Variants in PRKCA observed in about 807,000 individuals in gnomAD.
PRKCA encodes protein kinase C alpha type.
In PRKCA, 27 loss-of-function variants were observed where a neutral mutation model predicts 87.0. The observed-to-expected ratio is 0.31, with a 90% CI of 0.23 to 0.43. The LOEUF (loss-of-function observed/expected upper bound fraction) is 0.43, where lower values mean the gene tolerates loss of function less well. PRKCA is among the 20% of genes least tolerant of loss of function. PRKCA has a pLI of 1.00. For missense variants in PRKCA, 518 were observed against 852.3 expected (o/e 0.61, Z 4.88); for synonymous variants, 329 against 311.1 (o/e 1.06, Z -0.61).
intron 3 of PRKCA, among the ~76,000 whole-genome samples, chr17:66,606,303 G>T (rs566229239): frequency 6.6e-6 from 1 of 152,254 alleles, no homozygotes; most frequent in South Asian, 2.1e-4. Context: ...CAGGAGAATC[G>T]CTTGAACCCG....
At chr17:66,764,644 T>G (rs1268402150) in intron 13 of PRKCA, among the ~76,000 whole-genome samples, 1 of 152,262 alleles carries the variant, frequency 6.6e-6, no homozygotes, top group Non-Finnish European at 1.5e-5. Flanking sequence ...AGTGGCCTTG[T>G]TGGGGGTCTG....
At position 66,306,174 on chromosome 17, in the gene PRKCA, G is replaced by A. The variant is rs750403968; in HGVS notation, c.205+47G>A. On this transcript the variant is annotated intron_variant, in intron 2 of 16. Transcript: ENST00000413366. ...TATTTTCAAGCACAACATGAAATAA[G>A]CATTCCAAACAAGAACATTATTTCC... 7.2e-6 allele frequency: 11 copies of A among 1,536,148 alleles called. No homozygotes were observed. The African/African-American group carries it at 1.1e-4, about 15-fold the overall frequency.
chr17:66,784,175 A>G (rs750846060), intron 14 of PRKCA, among the ~76,000 whole-genome samples: 14 of 152,098 alleles, frequency 9.2e-5, no homozygotes, highest in Non-Finnish European at 1.8e-4. Flanking sequence ...TACATTGCAG[A>G]GAGGGTCACA....
chr17:66,344,151 A>G (rs1324555357), intron 2 of PRKCA, among the ~76,000 whole-genome samples: 1 of 152,210 alleles, frequency 6.6e-6, no homozygotes, highest in Non-Finnish European at 1.5e-5. Context: ...GCAGAAGAAC[A>G]GTATCGATGA....
intron 2 of PRKCA, among the ~76,000 whole-genome samples, chr17:66,345,445 C>A (rs1207465057): frequency 6.6e-6 from 1 of 152,124 alleles, no homozygotes; most frequent in Admixed American, 6.5e-5. Flanking sequence ...CCATCACTTG[C>A]CTAATTAGTT....
intron 2 of PRKCA, among the ~76,000 whole-genome samples, chr17:66,425,815 G>T (rs1912772197): frequency 6.6e-6 from 1 of 152,184 alleles, no homozygotes; most frequent in South Asian, 2.1e-4. Context: ...GCATTAAATT[G>T]TGGAAGCAGG....
intron 14 of PRKCA, chr17:66,774,863 A>G: frequency 1.0e-6 from 1 of 985,416 alleles, no homozygotes; most frequent in Non-Finnish European, 1.2e-6. Flanking sequence ...TTTTCACTGA[A>G]GTCCAGTGAG....
At chr17:66,662,447 G>C (rs1009906387) in intron 5 of PRKCA, among the ~76,000 whole-genome samples, 1 of 152,130 alleles carries the variant, frequency 6.6e-6, no homozygotes, top group African/African-American at 2.4e-5. Context: ...TGAGACATCC[G>C]TGGTTTGGGG....
chr17:66,426,116 C>G (rs1025590319), intron 2 of PRKCA, among the ~76,000 whole-genome samples: 1 of 152,092 alleles, frequency 6.6e-6, no homozygotes, highest in Non-Finnish European at 1.5e-5. Context: ...TCATTATTTG[C>G]AGGAACATAG....
chr17:66,384,486 A>G (rs987673092), intron 2 of PRKCA, among the ~76,000 whole-genome samples: 1 of 152,242 alleles, frequency 6.6e-6, no homozygotes, highest in African/African-American at 2.4e-5. Flanking sequence ...CATTTTTAGA[A>G]TAAAACGTTT....
chr17:66,610,543 A>C (rs1213017747), intron 3 of PRKCA, among the ~76,000 whole-genome samples: 1 of 152,178 alleles, frequency 6.6e-6, no homozygotes, highest in South Asian at 2.1e-4. Context: ...AGACACTCCC[A>C]TCACCCAGGA....
chr17:66,701,367 GA>G (rs1305377921), intron 8 of PRKCA, among the ~76,000 whole-genome samples: 2 of 152,050 alleles, frequency 1.3e-5, no homozygotes, highest in African/African-American at 4.8e-5. Context: ...TACTTGGGGG[GA>G]AAGCTTCATG....
intron 2 of PRKCA, among the ~76,000 whole-genome samples, chr17:66,443,487 G>A (rs1169834860): frequency 3.3e-5 from 5 of 152,138 alleles, no homozygotes; most frequent in African/African-American, 4.8e-5. Context: ...GAGAGTTTAT[G>A]GAAGAATGAA....
At chr17:66,542,367 C>T (rs554233321) in intron 3 of PRKCA, among the ~76,000 whole-genome samples, 61 of 151,978 alleles carry the variant, frequency 4.0e-4, no homozygotes, top group Non-Finnish European at 8.4e-4. Flanking sequence ...GGGAGATAGG[C>T]AGTTAGTAAG....
At position 66,502,023 on chromosome 17, in the gene PRKCA, T is replaced by C. The variant is rs539562656; in HGVS notation, c.288+5740T>C. On this transcript the variant is annotated intron_variant, in intron 3 of 16. Coordinates refer to ENST00000413366, the MANE Select transcript of PRKCA (RefSeq NM_002737.3). Reference sequence around the variant, plus strand: ...TTTCCAGACTTCTTCCTCTCACTTCTTAAAACCTTAGCTCACCAGTGTCTT... The same window carrying C: ...TTTCCAGACTTCTTCCTCTCACTTCCTAAAACCTTAGCTCACCAGTGTCTT... 2.6e-5 allele frequency among the ~76,000 whole-genome samples: 4 copies of C among 152,318 alleles called. No homozygotes were observed. The South Asian group carries it at 8.3e-4, about 32-fold the overall frequency.
intron 3 of PRKCA, chr17:66,554,629 C>A: frequency 1.3e-6 from 1 of 746,632 alleles, no homozygotes; most frequent in Non-Finnish European, 1.6e-6. Context: ...TGGTGGGGGG[C>A]ACTAGCAAAT....
chr17:66,487,631 C>T (rs1188719721), intron 2 of PRKCA, among the ~76,000 whole-genome samples: 1 of 152,140 alleles, frequency 6.6e-6, no homozygotes, highest in Non-Finnish European at 1.5e-5. Flanking sequence ...CTTTACATTC[C>T]CACCAGCAGC....
At chr17:66,429,229 T>C (rs1218487672) in intron 2 of PRKCA, among the ~76,000 whole-genome samples, 2 of 152,206 alleles carry the variant, frequency 1.3e-5, no homozygotes, top group African/African-American at 2.4e-5. Flanking sequence ...TTTATAAGAC[T>C]TGTGTTAAGG....
chr17:66,539,310 C>A (rs1028035123), intron 3 of PRKCA, among the ~76,000 whole-genome samples: 1 of 152,142 alleles, frequency 6.6e-6, no homozygotes, highest in Admixed American at 6.5e-5. Flanking sequence ...AGCAGCACAG[C>A]AAGAAACAAT....
Sources: allele counts gnomAD v4.1 joint callset (sites outside exome capture counted in the v4.1 genomes callset), GRCh38; gene constraint gnomAD v4.1.1; transcripts MANE v1.5; gene names NCBI Gene and HGNC (gene_info 2026-07-23, HGNC 2026-07-21).